CTCF: variants seen among roughly 807,000 people sequenced by gnomAD.
CTCF encodes CCCTC-binding factor, also known as transcriptional repressor CTCF.
CTCF carries 7 observed loss-of-function variants against 72.3 expected under a neutral mutation model. That is an observed-to-expected ratio of 0.10 (90% CI 0.06 to 0.18). CTCF has a LOEUF of 0.18. CTCF is among the 10% of genes least tolerant of loss of function. The probability of loss-of-function intolerance (pLI) is 1.00; values close to 1 mark genes in which losing one functional copy is unlikely to be tolerated. For missense variants in CTCF, 516 were observed against 949.1 expected (o/e 0.54, Z 6.00); for synonymous variants, 374 against 315.8 (o/e 1.18, Z -1.95).
In CTCF at chr16:67,621,188, C is replaced by G. The variant is rs559782884; in HGVS notation, c.1208-254C>G. On this transcript the variant is annotated intron_variant, in intron 6 of 11. Coordinates refer to ENST00000264010, the MANE Select transcript of CTCF (RefSeq NM_006565.4). ...AACTTGTGGGTTCTCCATTCAGTCTCCCCCAAAGGTAAGCATTGCTGTAAT... is the reference window on the plus strand; with the variant it reads ...AACTTGTGGGTTCTCCATTCAGTCTGCCCCAAAGGTAAGCATTGCTGTAAT... 2.7e-4 allele frequency: 107 copies of G among 402,766 alleles called. 1 individual carries two copies. Among genetic ancestry groups the G allele is most frequent in the African/African-American group, 2.0e-3 (101 of 50,474 alleles). 24.9% of individuals were successfully genotyped at this position (402,766 alleles called of 1,614,324 possible).
At position 67,638,627 on chromosome 16, in the gene CTCF, G is replaced by A. The variant is rs929728502; in HGVS notation, c.*755G>A. The A allele has an allele frequency of 4.7e-5, 11 of 231,784 alleles. No individual in the cohort carries two copies. The highest frequency in any genetic ancestry group is 1.5e-4 in the African/African-American group (7 of 45,228). The allele number at this position is 231,784 out of a possible 1,614,324, so 14.4% of individuals were successfully genotyped here. A position where few individuals can be genotyped will look rare whatever the true frequency, so the allele number is the denominator to read the frequency against. On this transcript the variant is annotated 3_prime_UTR_variant, in exon 12 of 12. Transcript: ENST00000264010. Reference sequence around the variant, plus strand: ...CTGCCCACCAGTGACGGACATGCACGTGGCAGATCATGATTTCCAGCCCAC... The same window carrying A: ...CTGCCCACCAGTGACGGACATGCACATGGCAGATCATGATTTCCAGCCCAC...
intron 7 of CTCF, 34 bp from the exon 8 acceptor site, chr16:67,626,521 T>C (rs1253798788): frequency 1.6e-5 from 22 of 1,381,170 alleles, no homozygotes; most frequent in Non-Finnish European, 2.1e-5. Context: ...GTTTGTGTTT[T>C]CACATTACCC....
intron 11 of CTCF, 33 bp downstream of exon 11, chr16:67,636,884 G>A (rs199650187): frequency 3.3e-5 from 48 of 1,450,554 alleles, no homozygotes; most frequent in Admixed American, 4.6e-5. Context: ...GGAGGCTGGC[G>A]TCTTCTCCGA....
intron 7 of CTCF, among the ~76,000 whole-genome samples, chr16:67,624,071 A>ATATGTGTG (rs71382019): frequency 4.6e-4 from 54 of 117,584 alleles, no homozygotes; most frequent in Middle Eastern, 5.0e-3. Context: ...AAAATTATAT[A>ATATGTGTG]TGTGTGTGTG....
chr16:67,581,627 C>T (rs199677439), intron 2 of CTCF, among the ~76,000 whole-genome samples: 6 of 152,146 alleles, frequency 3.9e-5, no homozygotes, highest in East Asian at 1.9e-4. Flanking sequence ...CGTTAGCCTC[C>T]GGAGTAGATG....
Position 67,601,217 on chromosome 16 carries a change from G to GGTGTGT in CTCF, c.-9-9574_-9-9569dup, listed in dbSNP as rs59655549. ...CACTGCTTGATGGAATGCACTAAGG[G>GGTGTGT]GTGTGTGTGTGTGTGTGTGTGTGTG... On this transcript the variant is annotated intron_variant, in intron 2 of 11. Transcript: ENST00000264010. Among the ~76,000 whole-genome samples, 443 of 128,394 alleles carry GGTGTGT rather than the reference G, an allele frequency of 3.5e-3. 6 individuals are homozygous for GGTGTGT. The highest frequency in any genetic ancestry group is 0.011 in the African/African-American group (369 of 34,524). The allele number at this position is 128,394 out of a possible 152,430, so 84.2% of individuals were successfully genotyped here. A position where few individuals can be genotyped will look rare whatever the true frequency, so the allele number is the denominator to read the frequency against.
At chr16:67,579,654 A>G (rs1320241140) in intron 2 of CTCF, among the ~76,000 whole-genome samples, 1 of 152,154 alleles carries the variant, frequency 6.6e-6, no homozygotes, top group African/African-American at 2.4e-5. Flanking sequence ...AGGCTTCCTG[A>G]AGTGCTGGGA....
chr16:67,615,595 C>T (rs1325887411), intron 4 of CTCF: 2 of 152,180 alleles, frequency 1.3e-5, no homozygotes, highest in Non-Finnish European at 2.9e-5. Flanking sequence ...CACTGGGTAA[C>T]AGAGGAAGAC....
At chr16:67,591,063 C>T (rs550189237) in intron 2 of CTCF, among the ~76,000 whole-genome samples, 2 of 150,846 alleles carry the variant, frequency 1.3e-5, no homozygotes, top group Admixed American at 6.6e-5. Context: ...GAGGCCGAGG[C>T]GGGCAGATCA....
In CTCF at chr16:67,621,939, A is replaced by G. The variant is rs72790350; in HGVS notation, c.1357+348A>G. On this transcript the variant is annotated intron_variant, in intron 7 of 11. Transcript: ENST00000264010. ...GTGTGATTCAAACTCAGGTCATTCT[A>G]TTGTATTTTTTTGAGAACGTCTGTA... 3.7e-3 allele frequency among the ~76,000 whole-genome samples: 563 copies of G among 152,130 alleles called. 2 individuals carry two copies. Among genetic ancestry groups the G allele is most frequent in the Non-Finnish European group, 5.8e-3 (397 of 67,982 alleles).
chr16:67,616,456 A>G (rs1597717789), intron 4 of CTCF: 1 of 328,036 alleles, frequency 3.0e-6, no homozygotes, highest in Middle Eastern at 9.7e-4. Context: ...TGACCAGGAT[A>G]TTCACAAAAT....
intron 4 of CTCF, among the ~76,000 whole-genome samples, chr16:67,613,004 G>A (rs559907288): frequency 6.6e-6 from 1 of 152,318 alleles, no homozygotes; most frequent in East Asian, 1.9e-4. Flanking sequence ...CATAATTTCA[G>A]AATGGAAAAG....
In CTCF at chr16:67,609,641, T is replaced by G. The variant is rs1028336759; in HGVS notation, c.-9-1183T>G. On this transcript the variant is annotated intron_variant, in intron 2 of 11. Coordinates refer to ENST00000264010, the MANE Select transcript of CTCF (RefSeq NM_006565.4). The stretch of plus-strand genomic sequence containing the variant: ...TGATAATTCTTTTTTTTTTTTTTTT[T>G]GAGATGGAATCTCGCTCTGTCGCCC... Among the ~76,000 whole-genome samples the G allele has an allele frequency of 6.4e-4, 97 of 151,084 alleles. 1 individual carries two copies. Among genetic ancestry groups the G allele is most frequent in the African/African-American group, 2.2e-3 (92 of 41,144 alleles).
At chr16:67,577,636 G>A (rs796603902) in intron 2 of CTCF, among the ~76,000 whole-genome samples, 45 of 149,580 alleles carry the variant, frequency 3.0e-4, no homozygotes, top group African/African-American at 9.0e-4. Context: ...TAGTAGAGAC[G>A]GGATTTCACT....
chr16:67,612,312 T>C, intron 4 of CTCF, 191 bp downstream of exon 4: 1 of 473,422 alleles, frequency 2.1e-6, no homozygotes, highest in Non-Finnish European at 3.6e-6. Context: ...GAAAATTTAA[T>C]GAAAAATAAC....
chr16:67,577,447 T>TA (rs1248128589), intron 2 of CTCF, among the ~76,000 whole-genome samples: 2 of 151,670 alleles, frequency 1.3e-5, no homozygotes, highest in African/African-American at 2.4e-5. Flanking sequence ...TTTTTTTTTT[T>TA]TATTTTTTGA....
intron 2 of CTCF, among the ~76,000 whole-genome samples, chr16:67,588,153 C>T (rs2051693808): frequency 6.6e-6 from 1 of 152,142 alleles, no homozygotes; most frequent in East Asian, 1.9e-4. Context: ...CCACTGCGCC[C>T]AGCCAGGATC....
intron 7 of CTCF, among the ~76,000 whole-genome samples, chr16:67,625,019 G>A (rs1039259433): frequency 6.6e-6 from 1 of 152,114 alleles, no homozygotes; most frequent in Non-Finnish European, 1.5e-5. Flanking sequence ...CCACTTCCCT[G>A]GTTTAAATGA....
chr16:67,597,487 C>A (rs560119309), intron 2 of CTCF, among the ~76,000 whole-genome samples: 6 of 152,064 alleles, frequency 3.9e-5, no homozygotes, highest in African/African-American at 1.4e-4. Context: ...TACAGGTGCC[C>A]GCCACTAAGC....
Sources: allele counts gnomAD v4.1 joint callset (sites outside exome capture counted in the v4.1 genomes callset), GRCh38; gene constraint gnomAD v4.1.1; transcripts MANE v1.5; gene names NCBI Gene and HGNC (gene_info 2026-07-23, HGNC 2026-07-21).